Variants in OOSP2 observed in about 807,000 individuals in gnomAD.
The protein encoded by OOSP2 is oocyte secreted protein 2, also known as oocyte-secreted protein 2.
A neutral mutation model predicts 13.4 loss-of-function variants in OOSP2; 7 were observed. That is an observed-to-expected ratio of 0.52 (90% CI 0.30 to 0.98). The LOEUF (loss-of-function observed/expected upper bound fraction) is 0.98. OOSP2 is among the 50% of genes least tolerant of loss of function. OOSP2 has a pLI of 0.07. For synonymous variants in OOSP2, 75 were observed against 67.2 expected (o/e 1.12, Z -0.57); for missense variants, 184 against 188.5 (o/e 0.98, Z 0.14).
At chr11:60,045,111 A>G (rs190128395) in intron 3 of OOSP2, among the ~76,000 whole-genome samples, 3 of 151,064 alleles carry the variant, frequency 2.0e-5, no homozygotes, top group East Asian at 3.9e-4. Flanking sequence ...AAGCACTGAT[A>G]TTATCTTTCA....
rs542740354 is a variant in OOSP2 at position 60,046,058 on chromosome 11, TTGTC to T, written c.348-880_348-877del. Among the ~76,000 whole-genome samples, 287 of 144,480 alleles carry T rather than the reference TTGTC, an allele frequency of 2.0e-3. 1 individual carries two copies. The highest frequency in any genetic ancestry group is 7.2e-3 in the Middle Eastern group (2 of 276). 94.8% of individuals were successfully genotyped at this position (144,480 alleles called of 152,430 possible). A position where few individuals can be genotyped will look rare whatever the true frequency, so the allele number is the denominator to read the frequency against. On this transcript the variant is annotated intron_variant, in intron 3 of 3. Coordinates refer to ENST00000278855, the MANE Select transcript of OOSP2 (RefSeq NM_173801.5). ...TGTCTGTCTGTCTGTCTCTCTGTCT[TTGTC>T]TGTCTCTCTCTGTCTGTCTCTCTCT...
intron 1 of OOSP2, among the ~76,000 whole-genome samples, chr11:60,042,580 C>T (rs1486239302): frequency 6.6e-6 from 1 of 152,128 alleles, no homozygotes; most frequent in Non-Finnish European, 1.5e-5. Context: ...TATTGACTTA[C>T]TGACGATTTA....
At chr11:60,046,085 TCTCTCTGTCTCTGTCC>T (rs1347736350) in intron 3 of OOSP2, among the ~76,000 whole-genome samples, 3 of 151,806 alleles carry the variant, frequency 2.0e-5, no homozygotes, top group African/African-American at 2.4e-5. Context: ...TCTGTCTCTC[TCTCTCTGTCTCTGTCC>T]CTGTCTCTCT....
intron 1 of OOSP2, 85 bp from the exon 2 acceptor site, chr11:60,043,384 T>C (rs1410708530): frequency 1.4e-6 from 1 of 738,468 alleles, no homozygotes; most frequent in Non-Finnish European, 2.2e-6. Context: ...CTTTTATTTA[T>C]CACAGAGGGC....
rs528764960 is a variant in OOSP2, at chr11:60,044,728, A to G, written c.301A>G (p.Ile101Val). ...QTELYFTPRN[I>V]DHDPQEIHLE... Reference sequence around the variant, plus strand: ...CGAGCTGTACTTTACCCCAAGGAATATAGATCATGACCCTCAGGAAATCCA... The same window carrying G: ...CGAGCTGTACTTTACCCCAAGGAATGTAGATCATGACCCTCAGGAAATCCA... The change falls in exon 3 of 4, where the codon ATA (isoleucine) becomes GTA (valine). Residue 101 changes from isoleucine to valine, a missense_variant. By Grantham distance (29) the Ile-to-Val change is conservative. Coordinates refer to ENST00000278855, the MANE Select transcript of OOSP2 (RefSeq NM_173801.5). 1 of 1,604,418 alleles carries G rather than the reference A, an allele frequency of 6.2e-7. No homozygotes were observed. The highest frequency in any genetic ancestry group is 1.7e-5 in the Admixed American group (1 of 59,920).
At chr11:60,041,944 A>G (rs1854936623) in intron 1 of OOSP2, among the ~76,000 whole-genome samples, 1 of 150,876 alleles carries the variant, frequency 6.6e-6, no homozygotes. Flanking sequence ...TGGGAGCCCA[A>G]GGTGGGCGGA....
At chr11:60,042,935 C>T (rs1046533737) in intron 1 of OOSP2, among the ~76,000 whole-genome samples, 6 of 151,048 alleles carry the variant, frequency 4.0e-5, no homozygotes, top group Non-Finnish European at 7.4e-5. Flanking sequence ...TTTGGAGTCT[C>T]TCTCTGTCAC....
Position 60,047,880 on chromosome 11 carries a change from G to A in OOSP2, c.*807G>A, listed in dbSNP as rs1455387201. The A allele has an allele frequency of 6.6e-6, 1 of 152,018 alleles. No homozygotes were observed. Among genetic ancestry groups the A allele is most frequent in the Non-Finnish European group, 1.5e-5 (1 of 67,978 alleles). 9.4% of individuals were successfully genotyped at this position (152,018 alleles called of 1,614,324 possible). A position where few individuals can be genotyped will look rare whatever the true frequency, so the allele number is the denominator to read the frequency against. ...ATATATCAAAAAATACTTCTGATTT[G>A]GTAGATTTCTTATATCAAGGGTGAG... On this transcript the variant is annotated 3_prime_UTR_variant, in exon 4 of 4. Coordinates refer to ENST00000278855, the MANE Select transcript of OOSP2 (RefSeq NM_173801.5).
chr11:60,042,294 C>A (rs1854945980), intron 1 of OOSP2, among the ~76,000 whole-genome samples: 1 of 152,204 alleles, frequency 6.6e-6, no homozygotes, highest in Non-Finnish European at 1.5e-5. Context: ...CCTTCCTGAT[C>A]ATCTTTCCTA....
intron 1 of OOSP2, among the ~76,000 whole-genome samples, chr11:60,043,045 C>A (rs184213775): frequency 2.6e-5 from 4 of 152,188 alleles, no homozygotes; most frequent in African/African-American, 9.6e-5. Context: ...GCTGGGACTA[C>A]AGGCGCTTGC....
chr11:60,043,459 C>A lies in OOSP2; in HGVS notation c.65-10C>A, dbSNP rs749751847. ...CCCTTCTGATGCTTTTCATATGGTTCTTTCCACAGTGAAAATAAGTTGCTC... is the reference window on the plus strand; with the variant it reads ...CCCTTCTGATGCTTTTCATATGGTTATTTCCACAGTGAAAATAAGTTGCTC... On this transcript the variant is annotated splice_polypyrimidine_tract_variant and intron_variant, in intron 1 of 3. Transcript: ENST00000278855. 1.3e-6 allele frequency: 2 copies of A among 1,598,790 alleles called. No homozygotes were observed. Among genetic ancestry groups the A allele is most frequent in the Non-Finnish European group, 1.7e-6 (2 of 1,166,804 alleles).
intron 3 of OOSP2, 52 bp from the exon 4 acceptor site, chr11:60,046,892 C>A: frequency 1.2e-5 from 19 of 1,527,468 alleles, no homozygotes; most frequent in Non-Finnish European, 1.7e-5. Flanking sequence ...GTAAAACTGA[C>A]TTGATCCCAA....
At chr11:60,040,550 T>A in intron 1 of OOSP2, 27 bp downstream of exon 1, 1 of 1,279,570 alleles carries the variant, frequency 7.8e-7, no homozygotes, top group Non-Finnish European at 1.1e-6. Context: ...AGAGAATGCT[T>A]CCTCGAAGGA....
intron 1 of OOSP2, among the ~76,000 whole-genome samples, chr11:60,041,254 A>G (rs1292882499): frequency 1.3e-5 from 2 of 152,228 alleles, no homozygotes; most frequent in Non-Finnish European, 2.9e-5. Flanking sequence ...TTTGGCCTGT[A>G]ATACCTTTGG....
Position 60,043,463 on chromosome 11 carries a change from C to A in OOSP2, c.65-6C>A. 2.5e-6 allele frequency: 4 copies of A among 1,602,474 alleles called. No homozygotes were observed. The highest frequency in any genetic ancestry group is 3.3e-4 in the Middle Eastern group (2 of 6,024). ...TCTGATGCTTTTCATATGGTTCTTTCCACAGTGAAAATAAGTTGCTCTCTG... is the reference window on the plus strand; with the variant it reads ...TCTGATGCTTTTCATATGGTTCTTTACACAGTGAAAATAAGTTGCTCTCTG... On this transcript the variant is annotated splice_polypyrimidine_tract_variant and splice_region_variant and intron_variant, in intron 1 of 3. Coordinates refer to ENST00000278855, the MANE Select transcript of OOSP2 (RefSeq NM_173801.5).
rs185615596 is a variant in OOSP2 at position 60,044,653 on chromosome 11, A to C, written c.244-18A>C. 1 of 1,168,600 alleles carries C rather than the reference A, an allele frequency of 8.6e-7. No individual in the cohort carries two copies. Among genetic ancestry groups the C allele is most frequent in the East Asian group, 2.4e-5 (1 of 42,504 alleles). 72.4% of individuals were successfully genotyped at this position (1,168,600 alleles called of 1,614,324 possible). ...TGTTACTCCAAATATCTTCCACTGA[A>C]ACTTCATGCTCTCCTAGGTAGTTTC... On this transcript the variant is annotated intron_variant, in intron 2 of 3. Transcript: ENST00000278855.
intron 1 of OOSP2, 151 bp downstream of exon 1, chr11:60,040,674 A>G (rs1332100633): frequency 1.7e-6 from 1 of 592,664 alleles, no homozygotes; most frequent in East Asian, 2.9e-5. Context: ...TTGTGTCAAT[A>G]TACGGAGGAT....
At chr11:60,043,392 G>A in intron 1 of OOSP2, 77 bp from the exon 2 acceptor site, 1 of 854,430 alleles carries the variant, frequency 1.2e-6, no homozygotes. Context: ...TATCACAGAG[G>A]GCAGAGTTGA....
chr11:60,042,387 C>T (rs1002666098), intron 1 of OOSP2, among the ~76,000 whole-genome samples: 1 of 152,210 alleles, frequency 6.6e-6, no homozygotes, highest in African/African-American at 2.4e-5. Flanking sequence ...TTTGCCTCTA[C>T]ACCTTTTCTG....
Sources: allele counts gnomAD v4.1 joint callset (sites outside exome capture counted in the v4.1 genomes callset), GRCh38; gene constraint gnomAD v4.1.1; transcripts MANE v1.5; gene names NCBI Gene and HGNC (gene_info 2026-07-23, HGNC 2026-07-21).